SPIRE2: variants seen among roughly 807,000 people sequenced by gnomAD.
SPIRE2 encodes the protein spire type actin nucleation factor 2.
A neutral mutation model predicts 80.7 loss-of-function variants in SPIRE2; 76 were observed. The observed-to-expected ratio is 0.94, with a 90% CI of 0.78 to 1.14. The LOEUF (loss-of-function observed/expected upper bound fraction) is 1.14. Ranked by LOEUF, SPIRE2 falls within the 50% of genes most tolerant of loss-of-function variation. SPIRE2 has a pLI of 0.00. For missense variants in SPIRE2, 1,196 were observed against 1,015.3 expected, an observed-to-expected ratio of 1.18 and a Z score of -2.42; for synonymous variants, 535 against 432.6, an observed-to-expected ratio of 1.24 and a Z score of -2.94.
At chr16:89,833,550 G>T (rs1319259533) in intron 1 of SPIRE2, among the ~76,000 whole-genome samples, 1 of 152,272 alleles carries the variant, frequency 6.6e-6, no homozygotes, top group African/African-American at 2.4e-5. Flanking sequence ...TGGGCTCAGG[G>T]GCAGGTTCAG....
At chr16:89,837,434 C>T (rs753895142) in intron 1 of SPIRE2, among the ~76,000 whole-genome samples, 6 of 152,180 alleles carry the variant, frequency 3.9e-5, no homozygotes, top group Non-Finnish European at 8.8e-5. Context: ...ATAGCCGCAT[C>T]GTGAGGCGCA....
chr16:89,841,152 C>G (rs2041502329), intron 1 of SPIRE2, among the ~76,000 whole-genome samples: 1 of 151,346 alleles, frequency 6.6e-6, no homozygotes, highest in Non-Finnish European at 1.5e-5. Flanking sequence ...CCACTGCACT[C>G]CAGCCTGGGT....
In SPIRE2 at chr16:89,869,045, A is replaced by ACATATATATATATAT. The variant is rs1185522189; in HGVS notation, c.1807-522_1807-521insCATATATATATATAT. ...GATCTGTGTCTTAAAAAAAAAAAAA[A>ACATATATATATATAT]AAAAAAAAATATATATATATATATA... On this transcript the variant is annotated intron_variant, in intron 13 of 14. Transcript: ENST00000378247. Among the ~76,000 whole-genome samples the ACATATATATATATAT allele has an allele frequency of 5.1e-4, 19 of 37,174 alleles. 4 individuals carry two copies. The East Asian group carries it at 0.012, about 23-fold the overall frequency. 24.4% of individuals were successfully genotyped at this position (37,174 alleles called of 152,430 possible). A position where few individuals can be genotyped will look rare whatever the true frequency, so the allele number is the denominator to read the frequency against.
chr16:89,853,921 G>A (rs1350424703), intron 3 of SPIRE2, among the ~76,000 whole-genome samples: 2 of 152,230 alleles, frequency 1.3e-5, no homozygotes, highest in African/African-American at 4.8e-5. Flanking sequence ...CATGCACAAA[G>A]ACTGGCCTGT....
chr16:89,845,876 T>G, intron 2 of SPIRE2: 3 of 525,514 alleles, frequency 5.7e-6, no homozygotes, highest in South Asian at 5.7e-5. Context: ...TTTCTTTGTT[T>G]TTTTTGCTTT....
chr16:89,829,271 G>A (rs555854830), intron 1 of SPIRE2, among the ~76,000 whole-genome samples: 1 of 152,338 alleles, frequency 6.6e-6, no homozygotes, highest in South Asian at 2.1e-4. Context: ...TAAATTCCTG[G>A]GTTTAACTGG....
At chr16:89,861,714 G>A (rs1373634917) in intron 10 of SPIRE2, among the ~76,000 whole-genome samples, 3 of 152,202 alleles carry the variant, frequency 2.0e-5, no homozygotes, top group African/African-American at 4.8e-5. Flanking sequence ...GCCTGATCTC[G>A]ACTGAAGGGT....
intron 3 of SPIRE2, among the ~76,000 whole-genome samples, chr16:89,853,471 G>A (rs1222968730): frequency 6.6e-6 from 1 of 152,210 alleles, no homozygotes; most frequent in Non-Finnish European, 1.5e-5. Context: ...AGGTACAGGT[G>A]TTCCCGGAAG....
chr16:89,840,636 A>ATT (rs10708235), intron 1 of SPIRE2, among the ~76,000 whole-genome samples: 6 of 116,878 alleles, frequency 5.1e-5, no homozygotes, highest in East Asian at 2.6e-4. Context: ...AAGTTTTCAA[A>ATT]TTTTTTTTTT....
At chr16:89,845,495 A>G in intron 2 of SPIRE2, 130 bp downstream of exon 2, 1 of 855,596 alleles carries the variant, frequency 1.2e-6, no homozygotes, top group African/African-American at 1.7e-5. Context: ...GAAGTACCCA[A>G]CAGGCTTAGT....
At position 89,870,175 on chromosome 16, in the gene SPIRE2, G is replaced by C; in HGVS notation, c.2048G>C (p.Ser683Thr). 3 of 1,610,798 alleles carry C rather than the reference G, an allele frequency of 1.9e-6. No homozygotes were observed. The highest frequency in any genetic ancestry group is 2.5e-6 in the Non-Finnish European group (3 of 1,178,708). ...TTTGTGGCAGACGTGGTGCGTTCCAGCCGCAAGAGCGTGGACGTCCTCAAC... is the reference window on the plus strand; with the variant it reads ...TTTGTGGCAGACGTGGTGCGTTCCACCCGCAAGAGCGTGGACGTCCTCAAC... The part of the protein sequence containing the change: ...TSFVADVVRS[S>T]RKSVDVLNTT... Residue 683 changes from serine to threonine, a missense_variant, in exon 15 of 15, where the codon AGC (serine) becomes ACC (threonine). Transcript: ENST00000378247.
chr16:89,860,405 T>C (rs1171497392), intron 9 of SPIRE2, among the ~76,000 whole-genome samples: 2 of 152,078 alleles, frequency 1.3e-5, no homozygotes, highest in East Asian at 1.9e-4. Flanking sequence ...ACTACCGACA[T>C]GTTTCACGAT....
At chr16:89,835,210 G>C (rs1412304293) in intron 1 of SPIRE2, among the ~76,000 whole-genome samples, 1 of 139,040 alleles carries the variant, frequency 7.2e-6, no homozygotes, top group South Asian at 2.2e-4. Flanking sequence ...ACCTGCCTGC[G>C]CTCGCGGTTG....
At chr16:89,840,756 C>T (rs182251041) in intron 1 of SPIRE2, among the ~76,000 whole-genome samples, 9,214 of 150,290 alleles carry the variant, frequency 0.061, 445 homozygotes, top group East Asian at 0.24. Context: ...CTGCCTCAGC[C>T]TCCCGAGTAG....
chr16:89,855,702 C>T lies in SPIRE2; in HGVS notation c.978+16C>T, dbSNP rs199850476. 1,058 of 1,612,018 alleles carry T rather than the reference C, an allele frequency of 6.6e-4. No homozygotes were observed. Among genetic ancestry groups the T allele is most frequent in the Non-Finnish European group, 7.8e-4 (923 of 1,179,566 alleles). ...ACTGAAGCAGGTGCTGCCCCAGCCTCCTCCTCCTCAGGGGCCGCCCGGGGC... is the reference window on the plus strand; with the variant it reads ...ACTGAAGCAGGTGCTGCCCCAGCCTTCTCCTCCTCAGGGGCCGCCCGGGGC... On this transcript the variant is annotated intron_variant, in intron 6 of 14. Coordinates refer to ENST00000378247, the MANE Select transcript of SPIRE2 (RefSeq NM_032451.2).
intron 3 of SPIRE2, among the ~76,000 whole-genome samples, chr16:89,851,244 C>T (rs1463481281): frequency 6.6e-6 from 1 of 152,206 alleles, no homozygotes; most frequent in Non-Finnish European, 1.5e-5. Flanking sequence ...TCCACTTTTA[C>T]ATCTGCAAGA....
chr16:89,831,737 G>A (rs1226787981), intron 1 of SPIRE2, among the ~76,000 whole-genome samples: 5 of 151,046 alleles, frequency 3.3e-5, no homozygotes, highest in South Asian at 2.1e-4. Flanking sequence ...CGCTCTTTAC[G>A]CTAGGATGCC....
At chr16:89,853,931 T>C (rs1314514532) in intron 3 of SPIRE2, among the ~76,000 whole-genome samples, 1 of 152,236 alleles carries the variant, frequency 6.6e-6, no homozygotes, top group Non-Finnish European at 1.5e-5. Flanking sequence ...GACTGGCCTG[T>C]GCCACACTGC....
chr16:89,867,727 G>C (rs982001955), intron 12 of SPIRE2, among the ~76,000 whole-genome samples: 1 of 151,952 alleles, frequency 6.6e-6, no homozygotes. Context: ...TGTGATTACA[G>C]GTGCCTGCTG....
Sources: gnomAD v4.1 joint callset for allele counts (sites outside exome capture counted in the v4.1 genomes callset) on GRCh38, gnomAD v4.1.1 for gene constraint, MANE v1.5 for transcripts, NCBI Gene and HGNC (gene_info 2026-07-23, HGNC 2026-07-21) for gene names.